The following CAST variants were observed in gnomAD, a reference collection of about 807,000 sequenced individuals.
CAST encodes the protein calpastatin, also known as MIR583 host.
Under a neutral mutation model 119.6 loss-of-function variants are expected in CAST, and 76 were observed. The ratio of observed to expected loss-of-function variants is 0.64; its 90% confidence interval spans 0.53 to 0.77. CAST has a LOEUF of 0.77. CAST is among the 30% of genes least tolerant of loss of function. CAST has a pLI of 0.00. For missense variants in CAST, 953 were observed against 946.5 expected, an observed-to-expected ratio of 1.01 and a Z score of -0.09; for synonymous variants, 319 against 331.6, an observed-to-expected ratio of 0.96 and a Z score of 0.41.
the CAST span, among the ~76,000 whole-genome samples, chr5:96,359,492 A>C: frequency 1.3e-5 from 2 of 152,178 alleles, no homozygotes; most frequent in South Asian, 4.1e-4. Flanking sequence ...TTCCATATTT[A>C]GTGCTTCTTT....
At position 96,770,291 on chromosome 5, in the gene CAST, G is replaced by A. The variant is rs923678542; in HGVS notation, c.2269-240G>A. Reference sequence around the variant, plus strand: ...AAGGTCTGGGTGAGTCAGGCACCACGGGAATTAGAGCATCAATGTCACCCA... The same window carrying A: ...AAGGTCTGGGTGAGTCAGGCACCACAGGAATTAGAGCATCAATGTCACCCA... On this transcript the variant is annotated intron_variant, in intron 29 of 31. Coordinates refer to ENST00000675179, the MANE Select transcript of CAST (RefSeq NM_001750.7). The A allele has an allele frequency of 1.0e-4, 49 of 476,112 alleles. No individual in the cohort carries two copies. In the Admixed American group the frequency reaches 1.4e-3, roughly 13 times the overall value. The allele number at this position is 476,112 out of a possible 1,614,324, so 29.5% of individuals were successfully genotyped here.
the CAST span, among the ~76,000 whole-genome samples, chr5:96,069,629 T>G: frequency 6.6e-6 from 1 of 150,984 alleles, no homozygotes; most frequent in African/African-American, 2.4e-5. Flanking sequence ...CCTACAGGTG[T>G]GTGCCACTAC....
chr5:96,606,019 T>G (rs1747246074), intron 1 of CAST, among the ~76,000 whole-genome samples: 1 of 152,210 alleles, frequency 6.6e-6, no homozygotes, highest in Non-Finnish European at 1.5e-5. Context: ...ATATCAAATA[T>G]GGAGTTCACT....
At chr5:96,413,054 C>T in the CAST span, 1 of 649,946 alleles carries the variant, frequency 1.5e-6, no homozygotes, top group Non-Finnish European at 1.9e-6. Flanking sequence ...AAGATCTAGT[C>T]ACAACAGGAA....
At chr5:96,706,304 TTTTC>T (rs1365544339) in intron 3 of CAST, among the ~76,000 whole-genome samples, 4 of 152,210 alleles carry the variant, frequency 2.6e-5, no homozygotes, top group East Asian at 3.8e-4. Flanking sequence ...AGGAACCCTT[TTTTC>T]TTTCTTTATT....
chr5:96,650,728 T>TTTTG (rs1491115634), intron 1 of CAST, among the ~76,000 whole-genome samples: 3 of 142,058 alleles, frequency 2.1e-5, no homozygotes. Context: ...ACCCACTTAA[T>TTTTG]TGTGTGTGTG....
At chr5:96,268,657 G>A in the CAST span, among the ~76,000 whole-genome samples, 1 of 151,986 alleles carries the variant, frequency 6.6e-6, no homozygotes, top group African/African-American at 2.4e-5. Context: ...AAAGAAATAA[G>A]ACCCAAATAT....
chr5:96,754,212 T>TC (rs773457669), intron 21 of CAST, 51 bp downstream of exon 21: 19 of 1,059,388 alleles, frequency 1.8e-5, no homozygotes, highest in African/African-American at 1.4e-4. Flanking sequence ...GATCACCTTC[T>TC]CCCCCTGCAA....
chr5:96,706,350 G>C (rs554261984), intron 3 of CAST, among the ~76,000 whole-genome samples: 1 of 152,080 alleles, frequency 6.6e-6, no homozygotes, highest in Admixed American at 6.5e-5. Context: ...TTGGCCAGAC[G>C]TGATGCTAGG....
the CAST span, among the ~76,000 whole-genome samples, chr5:96,235,671 C>T: frequency 6.6e-6 from 1 of 152,118 alleles, no homozygotes; most frequent in South Asian, 2.1e-4. Context: ...ACTATCTTTT[C>T]TCTCCCCACA....
At chr5:96,054,439 TCTC>T in the CAST span, among the ~76,000 whole-genome samples, 4 of 152,072 alleles carry the variant, frequency 2.6e-5, no homozygotes, top group South Asian at 6.2e-4. Context: ...GTTTTTCCCT[TCTC>T]CTTCCAGTTT....
At chr5:96,198,123 T>A in the CAST span, among the ~76,000 whole-genome samples, 1 of 152,144 alleles carries the variant, frequency 6.6e-6, no homozygotes, top group Non-Finnish European at 1.5e-5. Context: ...CCAGGTGAGA[T>A]GACTTGGCAA....
chr5:96,433,006 A>G, the CAST span: 3 of 1,614,224 alleles, frequency 1.9e-6, no homozygotes, highest in South Asian at 3.3e-5. Context: ...AAGAGGACGA[A>G]AGCAGTGCAC....
chr5:96,116,393 A>G, the CAST span, among the ~76,000 whole-genome samples: 8 of 152,302 alleles, frequency 5.3e-5, no homozygotes, highest in South Asian at 6.2e-4. Flanking sequence ...GCAATTATCA[A>G]TAATGCTGCT....
chr5:96,063,088 G>C, the CAST span, among the ~76,000 whole-genome samples: 1 of 152,140 alleles, frequency 6.6e-6, no homozygotes, highest in Non-Finnish European at 1.5e-5. Flanking sequence ...AAGCACACCA[G>C]ATCAAGTACA....
At chr5:96,459,325 A>G in the CAST span, among the ~76,000 whole-genome samples, 70 of 152,204 alleles carry the variant, frequency 4.6e-4, 1 homozygote, top group East Asian at 0.013. Flanking sequence ...CATTTCTCTC[A>G]TGGTCGTATA....
the CAST span, among the ~76,000 whole-genome samples, chr5:96,040,981 G>A: frequency 6.6e-6 from 1 of 152,066 alleles, no homozygotes. Context: ...GTAGAATTCG[G>A]CTGTGAATCC....
At chr5:96,603,092 A>G (rs927570454) in intron 1 of CAST, among the ~76,000 whole-genome samples, 2 of 152,250 alleles carry the variant, frequency 1.3e-5, no homozygotes, top group African/African-American at 2.4e-5. Context: ...AAATTTTGAA[A>G]TCAATGCGTA....
the CAST span, among the ~76,000 whole-genome samples, chr5:95,966,808 G>C: frequency 6.6e-6 from 1 of 152,046 alleles, no homozygotes; most frequent in Non-Finnish European, 1.5e-5. Flanking sequence ...TCCACATTAA[G>C]AGCAGTCTCT....
Sources: gnomAD v4.1 joint callset for allele counts (sites outside exome capture counted in the v4.1 genomes callset) on GRCh38, gnomAD v4.1.1 for gene constraint, MANE v1.5 for transcripts, NCBI Gene and HGNC (gene_info 2026-07-23, HGNC 2026-07-21) for gene names.